Variants in LAMA3 observed in about 807,000 individuals in gnomAD.
LAMA3 encodes laminin subunit alpha 3, also known as laminin subunit alpha-3.
Under a neutral mutation model 402.0 loss-of-function variants are expected in LAMA3, and 281 were observed. That is an observed-to-expected ratio of 0.70 (90% CI 0.63 to 0.77). The LOEUF is 0.77. Ranked by LOEUF, LAMA3 falls within the 30% of genes least tolerant of loss-of-function variation. LAMA3 has a pLI of 0.00. For missense variants in LAMA3, 3,840 were observed against 4,215.5 expected, an observed-to-expected ratio of 0.91 and a Z score of 2.47; for synonymous variants, 1,431 against 1,558.4, an observed-to-expected ratio of 0.92 and a Z score of 1.93.
intron 25 of LAMA3, 176 bp downstream of exon 25, chr18:23,837,265 AT>A (rs1182655698): frequency 2.1e-5 from 13 of 618,816 alleles, no homozygotes; most frequent in Admixed American, 1.0e-4. Context: ...TTGTTTGAGC[AT>A]TTTTTGATAT....
intron 66 of LAMA3, chr18:23,932,541 A>G: frequency 2.4e-6 from 1 of 421,484 alleles, no homozygotes; most frequent in East Asian, 4.9e-5. Context: ...ATTAAAATTA[A>G]CTTCAGATTA....
chr18:23,718,305 G>A (rs1210331598), intron 2 of LAMA3, among the ~76,000 whole-genome samples: 2 of 152,192 alleles, frequency 1.3e-5, no homozygotes, highest in African/African-American at 4.8e-5. Flanking sequence ...CCTCCCCAGG[G>A]TGAGGTATAG....
intron 34 of LAMA3, among the ~76,000 whole-genome samples, chr18:23,859,144 C>T (rs1184537230): frequency 1.3e-5 from 2 of 152,218 alleles, no homozygotes; most frequent in African/African-American, 2.4e-5. Context: ...TTCGCTGATA[C>T]ACCCCTAGTG....
Position 23,842,607 on chromosome 18 carries a change from C to T in LAMA3, c.3464-4C>T. ...GACAGAAAGTCTCTCTCTCTCTCTG[C>T]CAGGCTCCTTCCATGCCTCTTTTTG... On this transcript the variant is annotated splice_region_variant and splice_polypyrimidine_tract_variant and intron_variant, in intron 28 of 74. Transcript: ENST00000313654. The T allele has an allele frequency of 6.2e-7, 1 of 1,614,204 alleles. No homozygotes were observed. The highest frequency in any genetic ancestry group is 8.5e-7 in the Non-Finnish European group (1 of 1,180,040).
chr18:23,887,748 G>C (rs1048520839), intron 41 of LAMA3, among the ~76,000 whole-genome samples: 1 of 152,136 alleles, frequency 6.6e-6, no homozygotes, highest in African/African-American at 2.4e-5. Flanking sequence ...CTGTGGGGAG[G>C]GTTTCGCAAA....
At chr18:23,830,202 G>GT (rs2063466067) in intron 23 of LAMA3, among the ~76,000 whole-genome samples, 1 of 152,156 alleles carries the variant, frequency 6.6e-6, no homozygotes, top group Non-Finnish European at 1.5e-5. Flanking sequence ...TTTATCCAGA[G>GT]TTGGTCTCTC....
chr18:23,797,384 G>A (rs2062784964), intron 12 of LAMA3, among the ~76,000 whole-genome samples: 3 of 152,050 alleles, frequency 2.0e-5, no homozygotes, highest in Admixed American at 6.5e-5. Flanking sequence ...TAGCCAAAAA[G>A]TGTTCTTACT....
intron 33 of LAMA3, among the ~76,000 whole-genome samples, chr18:23,858,321 T>A (rs960649336): frequency 6.6e-6 from 1 of 152,144 alleles, no homozygotes; most frequent in Non-Finnish European, 1.5e-5. Flanking sequence ...CAGGTGATCA[T>A]CTCTGCTCCA....
In LAMA3 at chr18:23,918,698, C is replaced by T. The variant is rs1273975352; in HGVS notation, c.7923+2003C>T. ...ATAGCCGGCCTGGAGTTGAACCCTC[C>T]GGTGAATAGGAGCTTCTGTAGTTGC... On this transcript the variant is annotated intron_variant, in intron 60 of 74. Coordinates refer to ENST00000313654, the MANE Select transcript of LAMA3 (RefSeq NM_198129.4). The surrounding 1 kb of genome is among the most constrained non-coding windows in gnomAD (Gnocchi z 4.1). 6.6e-6 allele frequency among the ~76,000 whole-genome samples: 1 copy of T among 152,158 alleles called. No individual in the cohort carries two copies. Among genetic ancestry groups the T allele is most frequent in the Non-Finnish European group, 1.5e-5 (1 of 68,036 alleles).
At chr18:23,889,269 A>G (rs1215786160) in intron 41 of LAMA3, among the ~76,000 whole-genome samples, 1 of 152,184 alleles carries the variant, frequency 6.6e-6, no homozygotes, top group Non-Finnish European at 1.5e-5. Flanking sequence ...TCTGCTAAAT[A>G]TTAAAAAATT....
rs548882999 is a variant in LAMA3 at position 23,921,720 on chromosome 18, A to G, written c.8177+135A>G. The G allele has an allele frequency of 9.5e-5, 80 of 837,810 alleles. No individual in the cohort carries two copies. The South Asian group carries it at 1.1e-3, about 12-fold the overall frequency. 51.9% of individuals were successfully genotyped at this position (837,810 alleles called of 1,614,324 possible). The stretch of plus-strand genomic sequence containing the variant: ...AAGTTAACTTTTCCATATTAACAGT[A>G]TAGTCAACAGAATAAAACAGATTTA... On this transcript the variant is annotated intron_variant, in intron 62 of 74. Coordinates refer to ENST00000313654, the MANE Select transcript of LAMA3 (RefSeq NM_198129.4).
chr18:23,808,145 C>T (rs2062999379), intron 12 of LAMA3, among the ~76,000 whole-genome samples: 1 of 152,098 alleles, frequency 6.6e-6, no homozygotes, highest in South Asian at 2.1e-4. Context: ...GGAATACAGT[C>T]AACACCCAAC....
intron 60 of LAMA3, among the ~76,000 whole-genome samples, chr18:23,919,326 C>T (rs538806828): frequency 2.8e-4 from 43 of 152,264 alleles, no homozygotes; most frequent in Middle Eastern, 3.4e-3. Context: ...GCCTTCAAGC[C>T]CTAAGTCAGA....
At chr18:23,706,553 A>G (rs2145873407) in intron 1 of LAMA3, among the ~76,000 whole-genome samples, 1 of 152,262 alleles carries the variant, frequency 6.6e-6, no homozygotes, top group South Asian at 2.1e-4. Flanking sequence ...GATGGTGAAC[A>G]TTTCTTGAAA....
Position 23,903,031 on chromosome 18 carries a change from C to G in LAMA3, c.6224C>G (p.Ser2075Cys). The change falls in exon 49 of 75, where the codon TCC becomes TGC. Residue 2075 changes from serine (S) to cysteine (C), a missense_variant. Coordinates refer to ENST00000313654, the MANE Select transcript of LAMA3 (RefSeq NM_198129.4). ...AIQRQVKEIN[S>C]LQSDFTKYLT... ...CAGAGACAAGTGAAAGAAATAAATT[C>G]CCTGCAGAGTGATTTCACCAAGTAT... 6.2e-7 allele frequency: 1 copy of G among 1,609,002 alleles called. No individual in the cohort carries two copies. The highest frequency in any genetic ancestry group is 2.2e-5 in the East Asian group (1 of 44,842).
At chr18:23,877,728 T>TA (rs752347039) in intron 39 of LAMA3, among the ~76,000 whole-genome samples, 13 of 152,230 alleles carry the variant, frequency 8.5e-5, no homozygotes, top group Non-Finnish European at 1.5e-4. Context: ...TATTGGGAAA[T>TA]ACTGTTTTCC....
chr18:23,799,919 CT>C (rs1476921265), intron 12 of LAMA3, among the ~76,000 whole-genome samples: 1 of 152,278 alleles, frequency 6.6e-6, no homozygotes, highest in South Asian at 2.1e-4. Context: ...GGACATTAGC[CT>C]TTTTGTCTTA....
At chr18:23,725,993 A>C (rs981533824) in intron 2 of LAMA3, among the ~76,000 whole-genome samples, 1 of 152,230 alleles carries the variant, frequency 6.6e-6, no homozygotes, top group African/African-American at 2.4e-5. Flanking sequence ...ACTCCTCAGC[A>C]TCACAGAGTA....
chr18:23,762,576 G>A (rs2061991056), intron 7 of LAMA3, among the ~76,000 whole-genome samples: 1 of 151,080 alleles, frequency 6.6e-6, no homozygotes. Flanking sequence ...GTGACAGAGC[G>A]AGACTGTCAC....
Sources: allele counts gnomAD v4.1 joint callset (sites outside exome capture counted in the v4.1 genomes callset), GRCh38; gene constraint gnomAD v4.1.1; non-coding constraint Gnocchi (gnomAD v3.1); transcripts MANE v1.5; gene names NCBI Gene and HGNC (gene_info 2026-07-23, HGNC 2026-07-21).